The following NUDT3 variants were observed in gnomAD, a reference collection of about 807,000 sequenced individuals.
NUDT3 encodes the protein diphosphoinositol polyphosphate phosphohydrolase 1.
NUDT3 carries 9 observed loss-of-function variants against 23.6 expected under a neutral mutation model. That is an observed-to-expected ratio of 0.38 (90% CI 0.23 to 0.66). The LOEUF is 0.66. NUDT3 is among the 30% of genes least tolerant of loss of function. NUDT3 has a pLI of 0.52. For missense variants in NUDT3, 172 were observed against 218.5 expected, an observed-to-expected ratio of 0.79 and a Z score of 1.34; for synonymous variants, 86 against 82.6, an observed-to-expected ratio of 1.04 and a Z score of -0.22.
chr6:34,364,402 T>C (rs206937), intron 1 of NUDT3, among the ~76,000 whole-genome samples: 122,458 of 152,152 alleles, frequency 0.8, 50,048 homozygotes, highest in African/African-American at 0.95. Flanking sequence ...GCAGCTCAAC[T>C]TGTTGTTTGC....
chr6:34,379,869 G>A (rs539686640), intron 1 of NUDT3, among the ~76,000 whole-genome samples: 1 of 151,308 alleles, frequency 6.6e-6, no homozygotes, highest in East Asian at 2.0e-4. Flanking sequence ...TAGCCGGATG[G>A]GGTGGCACAT....
intron 1 of NUDT3, among the ~76,000 whole-genome samples, chr6:34,374,156 CAAAAAAAAAA>C (rs397888346): frequency 1.1e-4 from 7 of 64,718 alleles, no homozygotes; most frequent in East Asian, 4.3e-4. Context: ...GGCTCCCTCT[CAAAAAAAAAA>C]AAAAAAAAAA....
At position 34,304,674 on chromosome 6, in the gene NUDT3, T is replaced by C. The variant is rs866412104; in HGVS notation, c.211-8989A>G. ...TCTTTTTCCTTTTTTTTTTTGTTTT[T>C]TTGGAGAAAGGCTCTTACTCTGTCT... On this transcript the variant is annotated intron_variant, in intron 2 of 4. Transcript: ENST00000607016. 1.8e-4 allele frequency among the ~76,000 whole-genome samples: 27 copies of C among 152,028 alleles called. 1 individual carries two copies. The highest frequency in any genetic ancestry group is 3.4e-3 in the Middle Eastern group (1 of 294).
intron 1 of NUDT3, among the ~76,000 whole-genome samples, chr6:34,349,861 C>T (rs1185186730): frequency 2.7e-5 from 4 of 150,476 alleles, no homozygotes; most frequent in Non-Finnish European, 5.9e-5. Flanking sequence ...GAGGCTGAGG[C>T]GGGCGGATCA....
intron 2 of NUDT3, among the ~76,000 whole-genome samples, chr6:34,327,028 G>A (rs978870176): frequency 4.0e-5 from 6 of 151,734 alleles, no homozygotes; most frequent in Middle Eastern, 3.4e-3. Context: ...ACCAAGACGC[G>A]GAGACCGGTA....
In NUDT3 at chr6:34,376,575, T is replaced by C. The variant is rs146772639; in HGVS notation, c.99+15689A>G. ...TACAGGCGTGAGCCACCATGCATGG[T>C]CTCCTTTATCTTTAACATATCATCT... On this transcript the variant is annotated intron_variant, in intron 1 of 4. Coordinates refer to ENST00000607016, the MANE Select transcript of NUDT3 (RefSeq NM_006703.4). 9.2e-3 allele frequency among the ~76,000 whole-genome samples: 1,397 copies of C among 152,100 alleles called. 15 individuals are homozygous for C. The highest frequency in any genetic ancestry group is 0.024 in the Middle Eastern group (7 of 294).
intron 2 of NUDT3, among the ~76,000 whole-genome samples, chr6:34,323,113 G>A (rs1198496816): frequency 6.6e-6 from 1 of 152,124 alleles, no homozygotes; most frequent in Admixed American, 6.5e-5. Context: ...GGGGAGGGGG[G>A]AAGTTGAAAA....
At chr6:34,342,662 C>G (rs1462318003) in intron 1 of NUDT3, among the ~76,000 whole-genome samples, 3 of 152,202 alleles carry the variant, frequency 2.0e-5, no homozygotes, top group African/African-American at 7.2e-5. Flanking sequence ...TCCTTACTTA[C>G]CCCTCTCTGT....
rs559971855 is a variant in NUDT3 at position 34,390,208 on chromosome 6, C to T, written c.99+2056G>A. On this transcript the variant is annotated intron_variant, in intron 1 of 4. Transcript: ENST00000607016. The stretch of plus-strand genomic sequence containing the variant: ...AAATAAAAATGCAAGCTCCTAGAAT[C>T]GCCTGAACCTGGGAGGCAGAGGTTG... Among the ~76,000 whole-genome samples, 281 of 149,098 alleles carry T rather than the reference C, an allele frequency of 1.9e-3. 3 individuals carry two copies. Among genetic ancestry groups the T allele is most frequent in the South Asian group, 1.9e-3 (9 of 4,694 alleles).
chr6:34,297,241 T>C (rs1264687734), intron 2 of NUDT3, among the ~76,000 whole-genome samples: 1 of 152,062 alleles, frequency 6.6e-6, no homozygotes, highest in Non-Finnish European at 1.5e-5. Flanking sequence ...CTGCCTTTTC[T>C]TAAATAAGAA....
chr6:34,360,125 A>G (rs1440061398), intron 1 of NUDT3, among the ~76,000 whole-genome samples: 1 of 150,410 alleles, frequency 6.6e-6, no homozygotes, highest in East Asian at 2.0e-4. Context: ...CACACTCAGG[A>G]GGCTGAGGAA....
intron 2 of NUDT3, among the ~76,000 whole-genome samples, chr6:34,311,075 C>T (rs1763765131): frequency 6.6e-6 from 1 of 151,016 alleles, no homozygotes; most frequent in Admixed American, 6.6e-5. Context: ...AAAACTATCG[C>T]TAACATCATG....
chr6:34,334,613 A>C (rs540035931), intron 2 of NUDT3, among the ~76,000 whole-genome samples: 1 of 152,098 alleles, frequency 6.6e-6, no homozygotes, highest in Non-Finnish European at 1.5e-5. Context: ...AGCATGGGCG[A>C]CAACAGTGAA....
intron 1 of NUDT3, among the ~76,000 whole-genome samples, chr6:34,347,407 T>C (rs1764391460): frequency 6.6e-6 from 1 of 152,118 alleles, no homozygotes. Context: ...AGGTGATATC[T>C]ACGCAGAAGT....
chr6:34,316,640 A>G (rs1763865469), intron 2 of NUDT3, among the ~76,000 whole-genome samples: 1 of 152,214 alleles, frequency 6.6e-6, no homozygotes, highest in Non-Finnish European at 1.5e-5. Context: ...TCTCTCCTCC[A>G]GGTTTAATGT....
intron 1 of NUDT3, among the ~76,000 whole-genome samples, chr6:34,388,172 G>A (rs1410162562): frequency 2.0e-5 from 3 of 152,158 alleles, no homozygotes; most frequent in Non-Finnish European, 1.5e-5. Flanking sequence ...TACATGTGCA[G>A]TAGGCTATAC....
Position 34,295,543 on chromosome 6 carries a change from A to G in NUDT3, c.255+98T>C, listed in dbSNP as rs115798456. On this transcript the variant is annotated intron_variant, in intron 3 of 4. Transcript: ENST00000607016. The stretch of plus-strand genomic sequence containing the variant: ...CAAAAAGTTAAAAATAACTAAAAAA[A>G]AAAAAACTCGCTGAAACAGAAATGG... The G allele has an allele frequency of 1.2e-3, 1,809 of 1,447,818 alleles. 22 individuals are homozygous for G. In the African/African-American group the frequency reaches 0.022, roughly 18 times the overall value. 89.7% of individuals were successfully genotyped at this position (1,447,818 alleles called of 1,614,324 possible). A position where few individuals can be genotyped will look rare whatever the true frequency, so the allele number is the denominator to read the frequency against.
intron 3 of NUDT3, among the ~76,000 whole-genome samples, chr6:34,294,372 T>C (rs1231778949): frequency 6.6e-6 from 1 of 151,990 alleles, no homozygotes; most frequent in Non-Finnish European, 1.5e-5. Context: ...TCCTCCCACT[T>C]TGGCCTCCCA....
intron 2 of NUDT3, among the ~76,000 whole-genome samples, chr6:34,326,041 A>AGCCATAG (rs1489575033): frequency 2.6e-5 from 4 of 151,094 alleles, no homozygotes; most frequent in African/African-American, 7.4e-5. Context: ...TTAAAGATAA[A>AGCCATAG]GCCATAGGCC....
Sources: allele counts gnomAD v4.1 joint callset (sites outside exome capture counted in the v4.1 genomes callset), GRCh38; gene constraint gnomAD v4.1.1; transcripts MANE v1.5; gene names NCBI Gene and HGNC (gene_info 2026-07-23, HGNC 2026-07-21).